ROCK1: variants seen among roughly 807,000 people sequenced by gnomAD.
ROCK1 encodes the protein rho-associated protein kinase 1.
ROCK1 carries 36 observed loss-of-function variants against 196.8 expected under a neutral mutation model. The ratio of observed to expected loss-of-function variants is 0.18; its 90% CI spans 0.14 to 0.24. ROCK1 has a LOEUF of 0.24. Ranked by LOEUF, ROCK1 falls within the 10% of genes least tolerant of loss-of-function variation. The pLI, the probability that ROCK1 is intolerant of heterozygous loss-of-function variation, is 1.00. For synonymous variants in ROCK1, 443 were observed against 515.9 expected (o/e 0.86, Z 1.91); for missense variants, 920 against 1,562.0 (o/e 0.59, Z 6.93).
chr18:20,995,731 A>G (rs879744486), intron 16 of ROCK1, among the ~76,000 whole-genome samples: 2 of 152,170 alleles, frequency 1.3e-5, no homozygotes, highest in African/African-American at 2.4e-5. Flanking sequence ...TTTGGGAGAA[A>G]GGGAAGAGAA....
At chr18:21,018,411 TCC>T (rs533522178) in intron 12 of ROCK1, among the ~76,000 whole-genome samples, 467 of 151,684 alleles carry the variant, frequency 3.1e-3, no homozygotes, top group Non-Finnish European at 5.5e-3. Context: ...GAGCCTGTAA[TCC>T]CAGCTACTCG....
intron 16 of ROCK1, among the ~76,000 whole-genome samples, chr18:20,999,490 A>G (rs2035703702): frequency 6.6e-6 from 1 of 152,216 alleles, no homozygotes; most frequent in Non-Finnish European, 1.5e-5. Context: ...TTCATGAAAT[A>G]CCCACAGCTA....
At chr18:21,052,701 C>T (rs1015076391) in intron 2 of ROCK1, among the ~76,000 whole-genome samples, 6 of 151,988 alleles carry the variant, frequency 3.9e-5, no homozygotes, top group Non-Finnish European at 8.8e-5. Context: ...ACTGCACATG[C>T]GAGGGATCCA....
rs2035380400 is a variant in ROCK1 at position 20,967,028 on chromosome 18, C to T, written c.3241G>A (p.Ala1081Thr). 1 of 1,613,210 alleles carries T rather than the reference C, an allele frequency of 6.2e-7. No homozygotes were observed. Among genetic ancestry groups the T allele is most frequent in the Non-Finnish European group, 8.5e-7 (1 of 1,179,244 alleles). ...TGCTCAATATCACTCTCTTTGCTGG[C>T]CAACTGCATCTGAAGCTCATTCCTA... ...AHRNELQMQL[A>T]SKESDIEQLR... Residue 1081 changes from alanine to threonine, a missense_variant, in exon 27 of 33, where the codon GCC (alanine) becomes ACC (threonine). Around this residue, in one of 6 missense-constraint regions of ROCK1, gnomAD observed 116 missense variants for 204.2 expected, o/e 0.57. Coordinates refer to ENST00000399799, the MANE Select transcript of ROCK1 (RefSeq NM_005406.3).
rs544646435 is a variant in ROCK1 at position 21,084,383 on chromosome 18, A to T, written c.94-13770T>A. 2.1e-3 allele frequency among the ~76,000 whole-genome samples: 315 copies of T among 152,128 alleles called. 1 individual carries two copies. Among genetic ancestry groups the T allele is most frequent in the Middle Eastern group, 0.014 (4 of 294 alleles). ...TTGCAAATAATATATCTGATAAGAG[A>T]TTATTACGCAAAATATGTAGGGCAC... is the stretch of plus-strand genomic sequence containing the variant. On this transcript the variant is annotated intron_variant, in intron 1 of 32. Transcript: ENST00000399799.
At chr18:20,984,160 AAACT>A (rs2035557612) in intron 20 of ROCK1, among the ~76,000 whole-genome samples, 187 bp downstream of exon 20, 1 of 152,178 alleles carries the variant, frequency 6.6e-6, no homozygotes, top group Non-Finnish European at 1.5e-5. Context: ...TCAGATGAGA[AAACT>A]GTGGTCTTTC....
Position 21,111,419 on chromosome 18 carries a change from C to T in ROCK1, c.-509G>A, listed in dbSNP as rs1277487287. ...GGGCCGGGCCCGCTCCGCTCAGAGG[C>T]GCTGTAGACGGTCTAGCCCCGCGTC... On this transcript the variant is annotated 5_prime_UTR_variant, in exon 1 of 33. Coordinates refer to ENST00000399799, the MANE Select transcript of ROCK1 (RefSeq NM_005406.3). The surrounding 1 kb of genome is among the most constrained non-coding windows in gnomAD (Gnocchi z 4.2). The T allele has an allele frequency of 8.5e-6, 3 of 351,832 alleles. No homozygotes were observed. The highest frequency in any genetic ancestry group is 1.5e-5 in the Non-Finnish European group (3 of 195,800). The allele number at this position is 351,832 out of a possible 1,614,324, so 21.8% of individuals were successfully genotyped here. A position where few individuals can be genotyped will look rare whatever the true frequency, so the allele number is the denominator to read the frequency against.
At position 21,070,509 on chromosome 18, in the gene ROCK1, A is replaced by C. The variant is rs201714925; in HGVS notation, c.175+23T>G. On this transcript the variant is annotated intron_variant, in intron 2 of 32. Transcript: ENST00000399799. ...ATGTAGTTATATGAAGTCTGTCATT[A>C]ACCTCCACAAAAAATTACTTACATC... The C allele has an allele frequency of 1.0e-3, 1,389 of 1,328,630 alleles. 3 individuals carry two copies. Among genetic ancestry groups the C allele is most frequent in the Non-Finnish European group, 1.4e-3 (1,306 of 933,838 alleles). 82.3% of individuals were successfully genotyped at this position (1,328,630 alleles called of 1,614,324 possible).
At chr18:20,969,485 T>G (rs556996846) in intron 23 of ROCK1, 1 of 241,534 alleles carries the variant, frequency 4.1e-6, no homozygotes, top group African/African-American at 2.2e-5. Flanking sequence ...ACTAAGAAAT[T>G]TGTATTTAGT....
At chr18:21,093,130 T>G (rs9946327) in intron 1 of ROCK1, among the ~76,000 whole-genome samples, 3 of 152,204 alleles carry the variant, frequency 2.0e-5, no homozygotes, top group African/African-American at 7.2e-5. Context: ...TATATCTAAA[T>G]TGGTCAGATC....
chr18:21,031,902 T>C (rs1455003663), intron 9 of ROCK1, among the ~76,000 whole-genome samples: 1 of 151,730 alleles, frequency 6.6e-6, no homozygotes, highest in Non-Finnish European at 1.5e-5. Flanking sequence ...CCAGTGAACT[T>C]GAAGATAGGA....
At chr18:21,101,891 T>C (rs1044956004) in intron 1 of ROCK1, among the ~76,000 whole-genome samples, 2 of 151,692 alleles carry the variant, frequency 1.3e-5, no homozygotes, top group Non-Finnish European at 2.9e-5. Context: ...TTTTCAAAGA[T>C]GCTTATTGAA....
At chr18:21,053,071 T>C (rs1267788051) in intron 2 of ROCK1, among the ~76,000 whole-genome samples, 4 of 152,068 alleles carry the variant, frequency 2.6e-5, no homozygotes, top group African/African-American at 9.7e-5. Flanking sequence ...AACTCAAAAT[T>C]GGTTATTTTT....
intron 9 of ROCK1, among the ~76,000 whole-genome samples, chr18:21,031,604 CAAAAAAAAAAAAAA>C (rs781463990): frequency 1.9e-5 from 1 of 51,894 alleles, no homozygotes; most frequent in African/African-American, 7.3e-5. Flanking sequence ...GACTCCATCT[CAAAAAAAAAAAAAA>C]AAAAAAAGAA....
At chr18:20,977,254 C>T (rs2035489108) in intron 22 of ROCK1, among the ~76,000 whole-genome samples, 1 of 152,158 alleles carries the variant, frequency 6.6e-6, no homozygotes, top group African/African-American at 2.4e-5. Flanking sequence ...CAATAGACAA[C>T]AATAGAAGAA....
At chr18:21,029,848 T>C (rs1479146798) in intron 9 of ROCK1, among the ~76,000 whole-genome samples, 1 of 152,132 alleles carries the variant, frequency 6.6e-6, no homozygotes, top group Non-Finnish European at 1.5e-5. Context: ...AGCTTAAAGA[T>C]ACTGTAGTAT....
intron 4 of ROCK1, among the ~76,000 whole-genome samples, chr18:21,048,822 T>C (rs763895272): frequency 8.5e-5 from 13 of 152,194 alleles, no homozygotes; most frequent in Non-Finnish European, 1.6e-4. Context: ...AGTATTCAGA[T>C]AACAGGCATG....
At chr18:21,097,729 T>A (rs1436377775) in intron 1 of ROCK1, among the ~76,000 whole-genome samples, 1 of 152,262 alleles carries the variant, frequency 6.6e-6, no homozygotes, top group Non-Finnish European at 1.5e-5. Context: ...TACTAAATGT[T>A]GTGAACTCTG....
Position 21,050,841 on chromosome 18 carries a change from T to C in ROCK1, c.176-961A>G, listed in dbSNP as rs2036198013. Among the ~76,000 whole-genome samples, 3 of 152,190 alleles carry C rather than the reference T, an allele frequency of 2.0e-5. No homozygotes were observed. The South Asian group carries it at 6.2e-4, about 31-fold the overall frequency. ...CAAGATGCACCAGAAAGATGAACAA[T>C]AATCAATTAATTCGCTGCACAAATA... On this transcript the variant is annotated intron_variant, in intron 2 of 32. Transcript: ENST00000399799.
Sources: gnomAD v4.1 joint callset for allele counts (sites outside exome capture counted in the v4.1 genomes callset) on GRCh38, gnomAD v4.1.1 for gene constraint, gnomAD v4.1.1 regional missense constraint, Gnocchi (gnomAD v3.1) non-coding constraint, MANE v1.5 for transcripts, NCBI Gene and HGNC (gene_info 2026-07-23, HGNC 2026-07-21) for gene names.